The following HDAC4 variants were observed in gnomAD, a reference collection of about 807,000 sequenced individuals.
HDAC4 encodes the protein histone deacetylase 4, also known as histone deacetylase A.
Under a neutral mutation model 135.1 loss-of-function variants are expected in HDAC4, and 16 were observed. That is an observed-to-expected ratio of 0.12 (90% CI 0.08 to 0.18). The LOEUF is 0.18. Among genes scored for constraint, HDAC4 ranks in the 10% least tolerant of loss-of-function variants. The pLI, the probability that HDAC4 is intolerant of heterozygous loss-of-function variation, is 1.00. For missense variants in HDAC4, 1,143 were observed against 1,511.8 expected (o/e 0.76, Z 4.05); for synonymous variants, 685 against 653.4 (o/e 1.05, Z -0.74).
At chr2:239,253,677 T>C (rs561090598) in intron 2 of HDAC4, among the ~76,000 whole-genome samples, 27 of 152,296 alleles carry the variant, frequency 1.8e-4, no homozygotes, top group South Asian at 6.2e-4. Flanking sequence ...GTTATGAAGA[T>C]AGAATAAAAT....
Position 239,324,646 on chromosome 2 carries a change from C to T in HDAC4, c.22+28032G>A, listed in dbSNP as rs937046263. Among the ~76,000 whole-genome samples, 5 of 152,246 alleles carry T rather than the reference C, an allele frequency of 3.3e-5. No homozygotes were observed. In the South Asian group the frequency reaches 6.2e-4, roughly 19 times the overall value. On this transcript the variant is annotated intron_variant, in intron 2 of 26. Coordinates refer to ENST00000543185, the MANE Select transcript of HDAC4 (RefSeq NM_001378414.1). ...AGGATGGTCGGAAGAGCCCCACTCA[C>T]GAGGCACCACAGCTCACAGCACAAC... is the stretch of plus-strand genomic sequence containing the variant.
intron 2 of HDAC4, among the ~76,000 whole-genome samples, chr2:239,259,676 A>C (rs1482641447): frequency 6.6e-6 from 1 of 152,214 alleles, no homozygotes; most frequent in African/African-American, 2.4e-5. Context: ...TAAGAACAGA[A>C]CTTACTGAAA....
At chr2:239,391,654 C>G (rs147627107) in intron 1 of HDAC4, among the ~76,000 whole-genome samples, 1 of 152,346 alleles carries the variant, frequency 6.6e-6, no homozygotes, top group Non-Finnish European at 1.5e-5. Context: ...CCGATGCTCA[C>G]TCAACACCCC....
rs562947108 is a variant in HDAC4, at chr2:239,349,446, T to C, written c.22+3232A>G. Reference sequence around the variant, plus strand: ...CCCACTAAAATGATGAAAAGCAGGATTGGAAAGCACTTCCAGCAATGCCTG... The same window carrying C: ...CCCACTAAAATGATGAAAAGCAGGACTGGAAAGCACTTCCAGCAATGCCTG... On this transcript the variant is annotated intron_variant, in intron 2 of 26. Transcript: ENST00000543185. This position sits in a 1 kb window ranked among gnomAD's most constrained non-coding sequence, Gnocchi z 5.7. 2.0e-5 allele frequency among the ~76,000 whole-genome samples: 3 copies of C among 152,324 alleles called. No homozygotes were observed. The highest frequency in any genetic ancestry group is 3.9e-4 in the East Asian group (2 of 5,186).
intron 7 of HDAC4, among the ~76,000 whole-genome samples, chr2:239,156,082 T>C (rs2042404598): frequency 6.6e-6 from 1 of 152,242 alleles, no homozygotes; most frequent in South Asian, 2.1e-4. Flanking sequence ...TCTAAGATGG[T>C]CCAGGCACCT....
rs995940362 is a variant in HDAC4 at position 239,308,213 on chromosome 2, C to A, written c.22+44465G>T. 2.6e-5 allele frequency among the ~76,000 whole-genome samples: 4 copies of A among 152,148 alleles called. No homozygotes were observed. The highest frequency in any genetic ancestry group is 5.9e-5 in the Non-Finnish European group (4 of 68,008). The stretch of plus-strand genomic sequence containing the variant: ...GAAGCCCTCCTTGACGATGAGCTAT[C>A]AGCTTAGGGACAAGAGAGCTAGAGA... On this transcript the variant is annotated intron_variant, in intron 2 of 26. Coordinates refer to ENST00000543185, the MANE Select transcript of HDAC4 (RefSeq NM_001378414.1). The surrounding 1 kb of genome is among the most constrained non-coding windows in gnomAD (Gnocchi z 4.2).
chr2:239,065,386 CAT>C (rs2033343756), intron 24 of HDAC4, among the ~76,000 whole-genome samples: 1 of 152,242 alleles, frequency 6.6e-6, no homozygotes, highest in Non-Finnish European at 1.5e-5. Context: ...GTTCCCCAAA[CAT>C]AAGGGACTGG....
At chr2:239,205,732 CA>C (rs1164679647) in intron 3 of HDAC4, among the ~76,000 whole-genome samples, 1 of 151,510 alleles carries the variant, frequency 6.6e-6, no homozygotes, top group Non-Finnish European at 1.5e-5. Flanking sequence ...GGGAGAAGAA[CA>C]AAGAAGGAAG....
chr2:239,133,284 C>T (rs766281099), intron 11 of HDAC4, among the ~76,000 whole-genome samples: 2 of 152,308 alleles, frequency 1.3e-5, no homozygotes, highest in Non-Finnish European at 2.9e-5. Context: ...CATCCTGCAG[C>T]GCAGCCTCCT....
At chr2:239,399,284 GT>G (rs1459532814) in intron 1 of HDAC4, among the ~76,000 whole-genome samples, 3 of 152,186 alleles carry the variant, frequency 2.0e-5, no homozygotes, top group Non-Finnish European at 2.9e-5. Flanking sequence ...TTATAATAGA[GT>G]AATTGTGTTG....
chr2:239,247,425 C>T (rs1259570399), intron 2 of HDAC4, among the ~76,000 whole-genome samples: 3 of 152,176 alleles, frequency 2.0e-5, no homozygotes, highest in South Asian at 2.1e-4. Context: ...AGTGAATAAA[C>T]GAACACAGAT....
chr2:239,242,108 AAAAG>A (rs748553294), intron 2 of HDAC4, among the ~76,000 whole-genome samples: 77 of 150,768 alleles, frequency 5.1e-4, no homozygotes, highest in African/African-American at 9.4e-4. Context: ...GAAGGAGAAA[AAAAG>A]AAAGAAAGAA....
Position 239,303,978 on chromosome 2 carries a change from G to A in HDAC4, c.22+48700C>T, listed in dbSNP as rs1209059439. Reference sequence around the variant, plus strand: ...GCCTCACCAGTCTTCATCTCAGCCCGCCAGGTCCTCTCGAGCCCCTGGAGT... The same window carrying A: ...GCCTCACCAGTCTTCATCTCAGCCCACCAGGTCCTCTCGAGCCCCTGGAGT... On this transcript the variant is annotated intron_variant, in intron 2 of 26. Transcript: ENST00000543185. This position sits in a 1 kb window ranked among gnomAD's most constrained non-coding sequence, Gnocchi z 5.1. Among the ~76,000 whole-genome samples, 2 of 152,060 alleles carry A rather than the reference G, an allele frequency of 1.3e-5. No homozygotes were observed. Among genetic ancestry groups the A allele is most frequent in the African/African-American group, 2.4e-5 (1 of 41,380 alleles).
intron 13 of HDAC4, among the ~76,000 whole-genome samples, chr2:239,112,779 G>A (rs1002534615): frequency 4.6e-5 from 7 of 152,212 alleles, no homozygotes; most frequent in African/African-American, 1.4e-4. Context: ...GGAGCTCTGC[G>A]CCAATCCTGT....
chr2:239,397,510 G>C (rs1696645087), intron 1 of HDAC4, among the ~76,000 whole-genome samples: 1 of 152,196 alleles, frequency 6.6e-6, no homozygotes. Context: ...CTTCCTTCCA[G>C]GAAGTGAGTA....
chr2:239,242,457 A>T (rs2048243343), intron 2 of HDAC4, among the ~76,000 whole-genome samples: 1 of 152,200 alleles, frequency 6.6e-6, no homozygotes, highest in African/African-American at 2.4e-5. Flanking sequence ...TTCCATTATC[A>T]ATTTCTGTTT....
chr2:239,195,553 G>C (rs2045324186), intron 3 of HDAC4, among the ~76,000 whole-genome samples: 1 of 152,226 alleles, frequency 6.6e-6, no homozygotes, highest in Non-Finnish European at 1.5e-5. Flanking sequence ...GGCTGTGTCA[G>C]ACGTGACTTG....
chr2:239,184,825 A>G (rs28460601), intron 4 of HDAC4, among the ~76,000 whole-genome samples: 87 of 5,730 alleles, frequency 0.015, 1 homozygote, highest in South Asian at 0.045. Flanking sequence ...TGTCCTGGAG[A>G]CTGTGTCCTA....
chr2:239,228,184 C>T (rs1199792185), intron 3 of HDAC4, among the ~76,000 whole-genome samples: 1 of 152,206 alleles, frequency 6.6e-6, no homozygotes, highest in Non-Finnish European at 1.5e-5. Flanking sequence ...CAGACACTTG[C>T]CCTTGCTGCC....
Sources: allele counts gnomAD v4.1 joint callset (sites outside exome capture counted in the v4.1 genomes callset), GRCh38; gene constraint gnomAD v4.1.1; non-coding constraint Gnocchi (gnomAD v3.1); transcripts MANE v1.5; gene names NCBI Gene and HGNC (gene_info 2026-07-23, HGNC 2026-07-21).